Variants in SHQ1 observed in about 807,000 individuals in gnomAD.
The protein encoded by SHQ1 is SHQ1, H/ACA ribonucleoprotein assembly factor.
SHQ1 carries 49 observed loss-of-function variants against 53.8 expected under a neutral mutation model. That is an observed-to-expected ratio of 0.91 (90% CI 0.72 to 1.16). The LOEUF (loss-of-function observed/expected upper bound fraction) is 1.16, where lower values mean the gene tolerates loss of function less well. Among genes scored for constraint, SHQ1 ranks in the 50% most tolerant of loss-of-function variants. The pLI is 0.00. For synonymous variants in SHQ1, 243 were observed against 251.0 expected, an observed-to-expected ratio of 0.97 and a Z score of 0.30; for missense variants, 738 against 683.1, an observed-to-expected ratio of 1.08 and a Z score of -0.90.
At chr3:72,815,002 G>A (rs937346416) in intron 8 of SHQ1, among the ~76,000 whole-genome samples, 5 of 151,754 alleles carry the variant, frequency 3.3e-5, no homozygotes, top group African/African-American at 1.2e-4. Flanking sequence ...TGTGTTCTTA[G>A]CATAGACCCT....
At chr3:72,748,968 C>T (rs538602397), downstream of SHQ1, among the ~76,000 whole-genome samples, 1 of 127,190 alleles carries the variant, frequency 7.9e-6, no homozygotes, top group East Asian at 2.2e-4. Flanking sequence ...CACACACGCA[C>T]ACGCACACAC....
At chr3:72,737,515 C>T in the SHQ1 span, among the ~76,000 whole-genome samples, 1 of 152,152 alleles carries the variant, frequency 6.6e-6, no homozygotes, top group African/African-American at 2.4e-5. Context: ...CCCTCAATAT[C>T]TGCAAGCGAT....
At chr3:72,726,417 A>C in the SHQ1 span, among the ~76,000 whole-genome samples, 1 of 151,992 alleles carries the variant, frequency 6.6e-6, no homozygotes, top group Non-Finnish European at 1.5e-5. Context: ...CAATGGCGTG[A>C]TCTTGGCTCA....
At chr3:72,767,156 C>T (rs1340334553) in intron 10 of SHQ1, among the ~76,000 whole-genome samples, 1 of 152,194 alleles carries the variant, frequency 6.6e-6, no homozygotes, top group Non-Finnish European at 1.5e-5. Context: ...TTGAGGGCTT[C>T]CAAATTGCTT....
At chr3:72,762,719 G>A (rs1027601989) in intron 10 of SHQ1, among the ~76,000 whole-genome samples, 3 of 152,086 alleles carry the variant, frequency 2.0e-5, no homozygotes, top group Non-Finnish European at 2.9e-5. Context: ...CTGTCACCCA[G>A]GCTGGAGTGC....
In SHQ1 at chr3:72,812,775, T is replaced by A; in HGVS notation, c.956A>T (p.Asp319Val). The A allele has an allele frequency of 1.2e-6, 2 of 1,614,018 alleles. No individual in the cohort carries two copies. Among genetic ancestry groups the A allele is most frequent in the East Asian group, 2.2e-5 (1 of 44,828 alleles). ...CCTTCTTCCAAAAGACACCATGATATCATGAACGTTAGTCCAAGTCTGTGA... is the reference window on the plus strand; with the variant it reads ...CCTTCTTCCAAAAGACACCATGATAACATGAACGTTAGTCCAAGTCTGTGA... ...CWFETWTNVH[D>V]IMVSFGRRVL... The change falls in exon 9 of 11, where the codon GAT (aspartate) becomes GTT (valine). Residue 319 changes from aspartate (D) to valine (V), a missense_variant. By Grantham distance (152) the Asp-to-Val change is radical (BLOSUM62 -3). Transcript: ENST00000325599.
the SHQ1 span, among the ~76,000 whole-genome samples, chr3:72,739,471 A>T: frequency 6.6e-6 from 1 of 152,210 alleles, no homozygotes; most frequent in African/African-American, 2.4e-5. Flanking sequence ...GCTGGTAGAG[A>T]GCACGGGCTG....
rs115936561 is a variant in SHQ1, at chr3:72,820,229, C to T, written c.728-2845G>A. Among the ~76,000 whole-genome samples, 661 of 152,274 alleles carry T rather than the reference C, an allele frequency of 4.3e-3. 4 individuals carry two copies. The highest frequency in any genetic ancestry group is 0.015 in the African/African-American group (618 of 41,538). On this transcript the variant is annotated intron_variant, in intron 6 of 10. Coordinates refer to ENST00000325599, the MANE Select transcript of SHQ1 (RefSeq NM_018130.3). The stretch of plus-strand genomic sequence containing the variant: ...TTGACCTAGGCAATGTAGGTTCTGA[C>T]GTTACATTATCCACATGTAAGTATT...
chr3:72,785,013 C>A (rs1347725631), intron 10 of SHQ1, among the ~76,000 whole-genome samples: 1 of 152,212 alleles, frequency 6.6e-6, no homozygotes, highest in Non-Finnish European at 1.5e-5. Context: ...CAGGAAAACA[C>A]ACTTACCCTT....
At chr3:72,801,532 A>G (rs1401741944) in intron 9 of SHQ1, among the ~76,000 whole-genome samples, 2 of 152,184 alleles carry the variant, frequency 1.3e-5, no homozygotes, top group East Asian at 3.8e-4. Context: ...TCATAAAAGG[A>G]AAAAACAAAC....
At chr3:72,789,228 G>C (rs1046048792) in intron 10 of SHQ1, among the ~76,000 whole-genome samples, 1 of 152,180 alleles carries the variant, frequency 6.6e-6, no homozygotes, top group Non-Finnish European at 1.5e-5. Flanking sequence ...TCAATGAGAA[G>C]TAGAGCTGGA....
downstream of SHQ1, among the ~76,000 whole-genome samples, chr3:72,748,654 G>T (rs1336849914): frequency 1.3e-5 from 2 of 152,286 alleles, no homozygotes; most frequent in East Asian, 3.9e-4. Flanking sequence ...TCACGCCACT[G>T]CATGCCAGCC....
Position 72,832,496 on chromosome 3 carries a change from AAAAG to A in SHQ1, c.487-19_487-16del, listed in dbSNP as rs775210464. The A allele has an allele frequency of 3.3e-6, 5 of 1,538,326 alleles. No individual in the cohort carries two copies. In the African/African-American group the frequency reaches 6.9e-5, roughly 21 times the overall value. ...CTCAGTTCATCCTGAGGACACCCAGAAAAGAAAGAATAATTGCTATCTCCTATTT... is the reference window on the plus strand; with the variant it reads ...CTCAGTTCATCCTGAGGACACCCAGAAAAGAATAATTGCTATCTCCTATTT... On this transcript the variant is annotated splice_polypyrimidine_tract_variant and intron_variant, in intron 4 of 10. Coordinates refer to ENST00000325599, the MANE Select transcript of SHQ1 (RefSeq NM_018130.3).
intron 10 of SHQ1, among the ~76,000 whole-genome samples, chr3:72,756,778 T>C (rs796752796): frequency 1.4e-4 from 21 of 152,378 alleles, no homozygotes; most frequent in African/African-American, 4.3e-4. Flanking sequence ...AGACCTTTCA[T>C]TCTTTCTGCA....
At chr3:72,760,672 T>C (rs62251650) in intron 10 of SHQ1, among the ~76,000 whole-genome samples, 37,569 of 152,142 alleles carry the variant, frequency 0.25, 4,868 homozygotes, top group African/African-American at 0.28. Flanking sequence ...GTAGTTGTTA[T>C]GAGAGTAATA....
At chr3:72,783,596 G>C (rs367695010) in intron 10 of SHQ1, among the ~76,000 whole-genome samples, 1 of 152,120 alleles carries the variant, frequency 6.6e-6, no homozygotes, top group Non-Finnish European at 1.5e-5. Context: ...TTATAGGCAT[G>C]AGCCAGCATG....
At chr3:72,763,851 T>C (rs760325208) in intron 10 of SHQ1, among the ~76,000 whole-genome samples, 7 of 152,180 alleles carry the variant, frequency 4.6e-5, no homozygotes, top group Non-Finnish European at 8.8e-5. Context: ...CCTCTAGGAA[T>C]GCAAGGAATA....
Position 72,818,760 on chromosome 3 carries a change from C to T in SHQ1, c.728-1376G>A, listed in dbSNP as rs182986991. ...CAGACCAAAGCCAGGGACTCGCCTG[C>T]TAGTTTTGAAGAAATAAGATGTCAC... On this transcript the variant is annotated intron_variant, in intron 6 of 10. Transcript: ENST00000325599. Among the ~76,000 whole-genome samples the T allele has an allele frequency of 1.1e-4, 16 of 152,230 alleles. No individual in the cohort carries two copies. The East Asian group carries it at 3.1e-3, about 29-fold the overall frequency.
intron 10 of SHQ1, among the ~76,000 whole-genome samples, chr3:72,774,184 ATAAAG>A (rs1179993007): frequency 6.6e-6 from 1 of 152,240 alleles, no homozygotes; most frequent in East Asian, 1.9e-4. Context: ...GCCTCAAAAT[ATAAAG>A]TAAAAACTGA....
Sources: allele counts gnomAD v4.1 joint callset (sites outside exome capture counted in the v4.1 genomes callset), GRCh38; gene constraint gnomAD v4.1.1; transcripts MANE v1.5; gene names NCBI Gene and HGNC (gene_info 2026-07-23, HGNC 2026-07-21).